Variants in GEM observed in about 807,000 individuals in gnomAD.
GEM encodes the protein GTP-binding protein GEM.
GEM carries 31 observed loss-of-function variants against 33.0 expected under a neutral mutation model. That is an observed-to-expected ratio of 0.94 (90% CI 0.71 to 1.27). The LOEUF is 1.27. Ranked by LOEUF, GEM falls within the 50% of genes most tolerant of loss-of-function variation. GEM has a pLI of 0.00. For synonymous variants in GEM, 141 were observed against 143.7 expected (o/e 0.98, Z 0.13); for missense variants, 354 against 390.5 (o/e 0.91, Z 0.79).
Position 94,253,068 on chromosome 8 carries a change from T to C in GEM, c.376A>G (p.Thr126Ala), listed in dbSNP as rs1321156262. Residue 126 changes from threonine (T) to alanine (A), a missense_variant, in exon 3 of 5, where the codon ACG becomes GCG. Thr to Ala is a moderately conservative substitution (Grantham distance 58). Coordinates refer to ENST00000297596, the MANE Select transcript of GEM (RefSeq NM_005261.4). ...RTLMVDGESA[T>A]IILLDMWENK... ...TCCCACATATCCAGGAGTATAATCG[T>C]TGCACTTTCCCCATCAACCATCAGG... is the stretch of plus-strand genomic sequence containing the variant. 6 of 1,600,238 alleles carry C rather than the reference T, an allele frequency of 3.7e-6. No homozygotes were observed. Among genetic ancestry groups the C allele is most frequent in the Non-Finnish European group, 5.1e-6 (6 of 1,167,456 alleles).
chr8:94,255,467 A>T (rs1405275276), intron 2 of GEM, among the ~76,000 whole-genome samples: 4 of 151,524 alleles, frequency 2.6e-5, no homozygotes, highest in Non-Finnish European at 5.9e-5. Context: ...ACCCCAGTAC[A>T]TGAGTTTAGA....
At position 94,253,077 on chromosome 8, in the gene GEM, C is replaced by G; in HGVS notation, c.367G>C (p.Glu123Gln). ...TCCAGGAGTATAATCGTTGCACTTT[C>G]CCCATCAACCATCAGGGTTCGTTCA... ...TYERTLMVDG[E>Q]SATIILLDMW... The change falls in exon 3 of 5, where the codon GAA (glutamate) becomes CAA (glutamine). Residue 123 changes from glutamate (E) to glutamine (Q), a missense_variant. By Grantham distance (29) the Glu-to-Gln change is conservative. Transcript: ENST00000297596. 6.2e-7 allele frequency: 1 copy of G among 1,600,598 alleles called. No homozygotes were observed. Among genetic ancestry groups the G allele is most frequent in the Middle Eastern group, 1.7e-4 (1 of 6,042 alleles).
At chr8:94,260,137 T>G in intron 2 of GEM, 36 bp downstream of exon 2, 3 of 1,378,988 alleles carry the variant, frequency 2.2e-6, no homozygotes, top group Non-Finnish European at 2.0e-6. Flanking sequence ...GGGCCACCCC[T>G]GGTGGAAAGA....
chr8:94,254,190 C>T (rs1808838214), intron 2 of GEM, among the ~76,000 whole-genome samples: 1 of 152,170 alleles, frequency 6.6e-6, no homozygotes, highest in Admixed American at 6.5e-5. Context: ...TAACATACAA[C>T]ACATTTAACT....
chr8:94,255,148 C>T (rs1242999389), intron 2 of GEM, among the ~76,000 whole-genome samples: 1 of 152,130 alleles, frequency 6.6e-6, no homozygotes, highest in African/African-American at 2.4e-5. Flanking sequence ...CAGCCCACCA[C>T]TCAGGTACAG....
chr8:94,257,637 C>T lies in GEM; in HGVS notation c.331+2536G>A, dbSNP rs1808919111. On this transcript the variant is annotated intron_variant, in intron 2 of 4. Transcript: ENST00000297596. ...GCTCCATTGCATACTGTGAGCATCT[C>T]CGCAGAAGAAGCCCCATGACTCTTT... Among the ~76,000 whole-genome samples the T allele has an allele frequency of 2.6e-5, 4 of 152,278 alleles. No homozygotes were observed. In the South Asian group the frequency reaches 8.3e-4, roughly 32 times the overall value.
intron 2 of GEM, among the ~76,000 whole-genome samples, chr8:94,258,533 G>A (rs1808946167): frequency 1.3e-5 from 2 of 152,152 alleles, no homozygotes; most frequent in Admixed American, 1.3e-4. Flanking sequence ...TCCTGGGGCT[G>A]CAGGGGGCTA....
intron 1 of GEM, among the ~76,000 whole-genome samples, chr8:94,261,083 T>C (rs1159220683): frequency 1.3e-5 from 2 of 152,154 alleles, no homozygotes; most frequent in African/African-American, 2.4e-5. Flanking sequence ...GGAACTTCCA[T>C]GTTTAGTAAA....
chr8:94,257,236 A>C (rs1227076654), intron 2 of GEM, among the ~76,000 whole-genome samples: 3 of 151,660 alleles, frequency 2.0e-5, no homozygotes, highest in African/African-American at 7.3e-5. Flanking sequence ...GCTGGAGTGC[A>C]ATGGTGAGAT....
intron 2 of GEM, among the ~76,000 whole-genome samples, chr8:94,255,763 G>A (rs1316947618): frequency 6.6e-6 from 1 of 152,160 alleles, no homozygotes; most frequent in Admixed American, 6.5e-5. Context: ...CCGTAATCTG[G>A]GTCTGGAGAC....
In GEM at chr8:94,253,043, T is replaced by C; in HGVS notation, c.401A>G (p.Glu134Gly). ...SATIILLDMW[E>G]NKGENEWLHD... ...GCTACAGGCTCTGCATACCTTATTT[T>C]CCCACATATCCAGGAGTATAATCGT... Residue 134 changes from glutamate (E) to glycine (G), a missense_variant, in exon 3 of 5, where the codon GAA becomes GGA. Coordinates refer to ENST00000297596, the MANE Select transcript of GEM (RefSeq NM_005261.4). 1 of 1,574,338 alleles carries C rather than the reference T, an allele frequency of 6.4e-7. No individual in the cohort carries two copies. Among genetic ancestry groups the C allele is most frequent in the Non-Finnish European group, 8.7e-7 (1 of 1,143,930 alleles).
At chr8:94,251,643 G>A (rs1808772406) in intron 4 of GEM, among the ~76,000 whole-genome samples, 3 of 152,188 alleles carry the variant, frequency 2.0e-5, no homozygotes, top group Admixed American at 1.3e-4. Context: ...AGGGCTCACA[G>A]GAACCAGAGT....
At chr8:94,260,749 T>C in intron 1 of GEM, 1 of 465,272 alleles carries the variant, frequency 2.1e-6, no homozygotes, top group Non-Finnish European at 3.8e-6. Context: ...ATCATTTGCA[T>C]GGGAAAACAA....
Position 94,250,196 on chromosome 8 carries a change from C to A in GEM, c.*114G>T. 1.2e-6 allele frequency: 1 copy of A among 853,080 alleles called. No individual in the cohort carries two copies. Among genetic ancestry groups the A allele is most frequent in the East Asian group, 2.5e-5 (1 of 39,742 alleles). 52.8% of individuals were successfully genotyped at this position (853,080 alleles called of 1,614,324 possible). Reference sequence around the variant, plus strand: ...CCCACAAGGCTAATACGCTAGCTCCCTGCTACAATGGGGGAAACCACATCT... The same window carrying A: ...CCCACAAGGCTAATACGCTAGCTCCATGCTACAATGGGGGAAACCACATCT... On this transcript the variant is annotated 3_prime_UTR_variant, in exon 5 of 5. Coordinates refer to ENST00000297596, the MANE Select transcript of GEM (RefSeq NM_005261.4).
Position 94,260,499 on chromosome 8 carries a change from G to T in GEM, c.5C>A (p.Thr2Asn). The change falls in exon 2 of 5, where the codon ACT becomes AAT. Residue 2 changes from threonine to asparagine, a missense_variant. Transcript: ENST00000297596. Reference protein sequence around the residue: MTLNNVTMRQGT... With the variant: MNLNNVTMRQGT... ...CTGGCGCATGGTGACATTATTCAGA[G>T]TCATCGTTGAGTCCTGGGGAGCAAA... The T allele has an allele frequency of 6.3e-7, 1 of 1,592,850 alleles. No homozygotes were observed. The highest frequency in any genetic ancestry group is 8.6e-7 in the Non-Finnish European group (1 of 1,165,802).
At chr8:94,256,841 G>A (rs1808901261) in intron 2 of GEM, among the ~76,000 whole-genome samples, 1 of 152,218 alleles carries the variant, frequency 6.6e-6, no homozygotes, top group African/African-American at 2.4e-5. Flanking sequence ...CTTACTATGT[G>A]CCAGGCACCA....
chr8:94,253,167 A>T (rs1409642919), intron 2 of GEM, 55 bp from the exon 3 acceptor site: 1 of 896,534 alleles, frequency 1.1e-6, no homozygotes. Flanking sequence ...ACACTTCTCC[A>T]TAAGAGGGTC....
intron 4 of GEM, among the ~76,000 whole-genome samples, chr8:94,251,734 T>G (rs1433905083): frequency 6.6e-6 from 1 of 152,194 alleles, no homozygotes; most frequent in Non-Finnish European, 1.5e-5. Context: ...CCTCCTTGCA[T>G]GAAGATGCTA....
In GEM at chr8:94,249,342, A is replaced by G. The variant is rs1752782012; in HGVS notation, c.*968T>C. The G allele has an allele frequency of 6.6e-6, 1 of 152,204 alleles. No homozygotes were observed. The highest frequency in any genetic ancestry group is 1.5e-5 in the Non-Finnish European group (1 of 68,028). The allele number at this position is 152,204 out of a possible 1,614,324, so 9.4% of individuals were successfully genotyped here. A position where few individuals can be genotyped will look rare whatever the true frequency, so the allele number is the denominator to read the frequency against. On this transcript the variant is annotated 3_prime_UTR_variant, in exon 5 of 5. Transcript: ENST00000297596. ...AAGATAGAAAATGGTAATAAAATGG[A>G]TATTTTTCTTATTAAGAAATATGTT...
Sources: gnomAD v4.1 joint callset for allele counts (sites outside exome capture counted in the v4.1 genomes callset) on GRCh38, gnomAD v4.1.1 for gene constraint, MANE v1.5 for transcripts, NCBI Gene and HGNC (gene_info 2026-07-23, HGNC 2026-07-21) for gene names.